AGAP1: variants seen among roughly 807,000 people sequenced by gnomAD.
AGAP1 encodes arf-GAP with GTPase, ANK repeat and PH domain-containing protein 1.
Under a neutral mutation model 105.3 loss-of-function variants are expected in AGAP1, and 29 were observed. That is an observed-to-expected ratio of 0.28 (90% CI 0.21 to 0.38). The LOEUF (loss-of-function observed/expected upper bound fraction) is 0.38. Ranked by LOEUF, AGAP1 falls within the 10% of genes least tolerant of loss-of-function variation. The pLI, the probability that AGAP1 is intolerant of heterozygous loss-of-function variation, is 1.00. For missense variants in AGAP1, 998 were observed against 1,165.1 expected (o/e 0.86, Z 2.09); for synonymous variants, 509 against 485.9 (o/e 1.05, Z -0.63).
chr2:235,653,704 A>C (rs867946381), intron 1 of AGAP1, among the ~76,000 whole-genome samples: 7 of 152,318 alleles, frequency 4.6e-5, no homozygotes, highest in South Asian at 4.1e-4. Flanking sequence ...AGCATAAACA[A>C]AATTGTTGAA....
intron 1 of AGAP1, among the ~76,000 whole-genome samples, chr2:235,593,391 A>G (rs1223270815): frequency 6.6e-6 from 1 of 151,692 alleles, no homozygotes; most frequent in African/African-American, 2.4e-5. Context: ...AATGAGTTAC[A>G]GTGATATTAG....
At chr2:235,726,048 C>T (rs190533275) in intron 3 of AGAP1, among the ~76,000 whole-genome samples, 1 of 152,322 alleles carries the variant, frequency 6.6e-6, no homozygotes, top group African/African-American at 2.4e-5. Context: ...GTATGGAACT[C>T]AGAATGTATT....
chr2:235,814,895 T>G (rs529809712), intron 9 of AGAP1, among the ~76,000 whole-genome samples: 1 of 152,194 alleles, frequency 6.6e-6, no homozygotes, highest in South Asian at 2.1e-4. Context: ...TTCCCCATAT[T>G]ATTTGTAGGA....
chr2:235,973,174 T>C lies in AGAP1; in HGVS notation c.1645+4551T>C, dbSNP rs1314410551. On this transcript the variant is annotated intron_variant, in intron 13 of 17. Transcript: ENST00000304032. This position sits in a 1 kb window ranked among gnomAD's most constrained non-coding sequence, Gnocchi z 4.7. ...ATTGGGCCGTTCCTGCCCTGGAGTT[T>C]CTCCCTGCGCAGGTGCTCGCTGTGC... 6.6e-6 allele frequency among the ~76,000 whole-genome samples: 1 copy of C among 152,118 alleles called. No homozygotes were observed. The highest frequency in any genetic ancestry group is 2.4e-5 in the African/African-American group (1 of 41,438).
intron 9 of AGAP1, among the ~76,000 whole-genome samples, chr2:235,834,177 G>A (rs3934696): frequency 0.051 from 7,787 of 152,214 alleles, 632 homozygotes; most frequent in African/African-American, 0.17. Context: ...GGCGCCCCAT[G>A]TGGTGCCTTG....
rs2149159245 is a variant in AGAP1 at position 235,569,630 on chromosome 2, G to A, written c.163+74781G>A. On this transcript the variant is annotated intron_variant, in intron 1 of 17. Coordinates refer to ENST00000304032, the MANE Select transcript of AGAP1 (RefSeq NM_001037131.3). This position sits in a 1 kb window ranked among gnomAD's most constrained non-coding sequence, Gnocchi z 5.9. ...GAGGATTCGAAGGACATCCCTGGAG[G>A]GGCTGTGCCCAGGTAGGGTGTGTTC... Among the ~76,000 whole-genome samples, 1 of 152,292 alleles carries A rather than the reference G, an allele frequency of 6.6e-6. No homozygotes were observed. Among genetic ancestry groups the A allele is most frequent in the East Asian group, 1.9e-4 (1 of 5,172 alleles).
chr2:235,657,099 T>C (rs1369249081), intron 1 of AGAP1, among the ~76,000 whole-genome samples: 1 of 152,218 alleles, frequency 6.6e-6, no homozygotes. Context: ...CACAGTGAAA[T>C]TGAGCCATGA....
Position 235,740,923 on chromosome 2 carries a change from T to A in AGAP1, c.311-40T>A. 6.2e-7 allele frequency: 1 copy of A among 1,613,038 alleles called. No homozygotes were observed. Among genetic ancestry groups the A allele is most frequent in the Non-Finnish European group, 8.5e-7 (1 of 1,179,020 alleles). On this transcript the variant is annotated intron_variant, in intron 3 of 17. Transcript: ENST00000304032. The surrounding 1 kb of genome is among the most constrained non-coding windows in gnomAD (Gnocchi z 5.7). Reference sequence around the variant, plus strand: ...ACGTCTGTCTGCCCTCCTCACTCTCTGTTGTTCTCGTGTAACGAGATGTTT... The same window carrying A: ...ACGTCTGTCTGCCCTCCTCACTCTCAGTTGTTCTCGTGTAACGAGATGTTT...
At position 236,089,918 on chromosome 2, in the gene AGAP1, T is replaced by A. The variant is rs2059016428; in HGVS notation, c.2115-30274T>A. ...TGACCAATTTTCAGGAGTTAGTCAC[T>A]CAAGTCGTACTTATAACTAGGTTGG... On this transcript the variant is annotated intron_variant, in intron 16 of 17. Transcript: ENST00000304032. This position sits in a 1 kb window ranked among gnomAD's most constrained non-coding sequence, Gnocchi z 5.6. Among the ~76,000 whole-genome samples, 1 of 151,944 alleles carries A rather than the reference T, an allele frequency of 6.6e-6. No individual in the cohort carries two copies. Among genetic ancestry groups the A allele is most frequent in the Non-Finnish European group, 1.5e-5 (1 of 67,998 alleles).
rs185428716 is a variant in AGAP1 at position 235,904,355 on chromosome 2, G to A, written c.1156-4383G>A. 1.1e-3 allele frequency among the ~76,000 whole-genome samples: 172 copies of A among 152,162 alleles called. No individual in the cohort carries two copies. Among genetic ancestry groups the A allele is most frequent in the Non-Finnish European group, 2.1e-3 (146 of 68,018 alleles). On this transcript the variant is annotated intron_variant, in intron 10 of 17. Coordinates refer to ENST00000304032, the MANE Select transcript of AGAP1 (RefSeq NM_001037131.3). The surrounding 1 kb of genome is among the most constrained non-coding windows in gnomAD (Gnocchi z 4.2). ...GGCGCCTGCTTGGAAAAAATAAGCC[G>A]CATGATGATCATGGACAACTTGAGA...
rs11686897 is a variant in AGAP1, at chr2:235,951,599, G to A, written c.1484-16863G>A. ...CAGGCGTAAACAGAGGTTGTCCCGG[G>A]AAAGGCAGAATGAATGTCACCCACC... On this transcript the variant is annotated intron_variant, in intron 12 of 17. Transcript: ENST00000304032. This position sits in a 1 kb window ranked among gnomAD's most constrained non-coding sequence, Gnocchi z 4.2. Among the ~76,000 whole-genome samples, 4,180 of 152,308 alleles carry A rather than the reference G, an allele frequency of 0.027. 203 individuals carry two copies. The highest frequency in any genetic ancestry group is 0.095 in the African/African-American group (3,937 of 41,552).
chr2:235,918,810 G>A (rs1021226441), intron 11 of AGAP1, among the ~76,000 whole-genome samples: 3 of 152,068 alleles, frequency 2.0e-5, no homozygotes, highest in Non-Finnish European at 2.9e-5. Flanking sequence ...GAGCATTGGT[G>A]TGTAATTCAG....
chr2:235,845,806 C>T lies in AGAP1; in HGVS notation c.1051-37539C>T, dbSNP rs1276387768. 6.6e-6 allele frequency among the ~76,000 whole-genome samples: 1 copy of T among 151,930 alleles called. No individual in the cohort carries two copies. Among genetic ancestry groups the T allele is most frequent in the Non-Finnish European group, 1.5e-5 (1 of 68,008 alleles). ...CTTCCTGAGCATCTGTCCCGTCGTG[C>T]CCTCCGAAGGAGTCATGCATGTGGT... On this transcript the variant is annotated intron_variant, in intron 9 of 17. Coordinates refer to ENST00000304032, the MANE Select transcript of AGAP1 (RefSeq NM_001037131.3). The surrounding 1 kb of genome is among the most constrained non-coding windows in gnomAD (Gnocchi z 4.8).
Position 235,578,749 on chromosome 2 carries a change from C to T in AGAP1, c.163+83900C>T, listed in dbSNP as rs1486248262. 6.0e-5 allele frequency among the ~76,000 whole-genome samples: 9 copies of T among 149,312 alleles called. No individual in the cohort carries two copies. The East Asian group carries it at 1.8e-3, about 29-fold the overall frequency. ...GCAGTAAGCCGACATTGTGCCACTG[C>T]ACTCCAGCCTGGGCAATACAGCGAG... On this transcript the variant is annotated intron_variant, in intron 1 of 17. Transcript: ENST00000304032. The surrounding 1 kb of genome is among the most constrained non-coding windows in gnomAD (Gnocchi z 4.9).
intron 1 of AGAP1, among the ~76,000 whole-genome samples, chr2:235,699,306 C>G (rs1465764687): frequency 6.6e-6 from 1 of 152,120 alleles, no homozygotes; most frequent in African/African-American, 2.4e-5. Context: ...GTTGCGTTGT[C>G]TTGCTACAGA....
At position 236,036,503 on chromosome 2, in the gene AGAP1, G is replaced by T; in HGVS notation, c.1646-58G>T. ...GAGGCGCTTCTGTGACAGAGGGCCC[G>T]CAGGGGGACTGCTGTCTCATAAAAG... On this transcript the variant is annotated intron_variant, in intron 13 of 17. Coordinates refer to ENST00000304032, the MANE Select transcript of AGAP1 (RefSeq NM_001037131.3). The surrounding 1 kb of genome is among the most constrained non-coding windows in gnomAD (Gnocchi z 5.7). 6.3e-7 allele frequency: 1 copy of T among 1,588,398 alleles called. No individual in the cohort carries two copies. Among genetic ancestry groups the T allele is most frequent in the South Asian group, 1.2e-5 (1 of 85,844 alleles).
chr2:235,709,341 G>C, intron 2 of AGAP1, 104 bp downstream of exon 2: 1 of 1,316,706 alleles, frequency 7.6e-7, no homozygotes, highest in Non-Finnish European at 1.1e-6. Context: ...GGCCCAGAGT[G>C]GAAGTGTGAC....
At chr2:235,742,503 G>A (rs1010367170) in intron 4 of AGAP1, among the ~76,000 whole-genome samples, 3 of 152,188 alleles carry the variant, frequency 2.0e-5, no homozygotes, top group African/African-American at 7.2e-5. Context: ...TGTTAAAAGT[G>A]AAAACTTAGT....
rs750465769 is a variant in AGAP1, at chr2:235,904,332, C to A, written c.1156-4406C>A. Among the ~76,000 whole-genome samples, 10 of 152,066 alleles carry A rather than the reference C, an allele frequency of 6.6e-5. No homozygotes were observed. In the East Asian group the frequency reaches 1.9e-3, roughly 29 times the overall value. On this transcript the variant is annotated intron_variant, in intron 10 of 17. Coordinates refer to ENST00000304032, the MANE Select transcript of AGAP1 (RefSeq NM_001037131.3). This position sits in a 1 kb window ranked among gnomAD's most constrained non-coding sequence, Gnocchi z 4.2. ...TCGGAAACAGGTCCCTTTGCTCTGG[C>A]GCCTGCTTGGAAAAAATAAGCCGCA...
Sources: allele counts gnomAD v4.1 joint callset (sites outside exome capture counted in the v4.1 genomes callset), GRCh38; gene constraint gnomAD v4.1.1; non-coding constraint Gnocchi (gnomAD v3.1); transcripts MANE v1.5; gene names NCBI Gene and HGNC (gene_info 2026-07-23, HGNC 2026-07-21).